Variants in KCNK2 observed in about 807,000 individuals in gnomAD.
KCNK2 encodes potassium two pore domain channel subfamily K member 2.
In KCNK2, 21 loss-of-function variants were observed where a neutral mutation model predicts 40.5. That is an observed-to-expected ratio of 0.52 (90% CI 0.37 to 0.75). The LOEUF (loss-of-function observed/expected upper bound fraction) is 0.75. Ranked by LOEUF, KCNK2 falls within the 30% of genes least tolerant of loss-of-function variation. The pLI is 0.00. For missense variants in KCNK2, 399 were observed against 531.6 expected (o/e 0.75, Z 2.45); for synonymous variants, 191 against 202.2 (o/e 0.94, Z 0.47).
chr1:215,214,470 C>T (rs1665877053), intron 6 of KCNK2, among the ~76,000 whole-genome samples: 1 of 152,124 alleles, frequency 6.6e-6, no homozygotes, highest in Non-Finnish European at 1.5e-5. Flanking sequence ...TATCAGCATC[C>T]ATGAATAGCG....
chr1:215,089,897 G>A (rs989152692), intron 2 of KCNK2, among the ~76,000 whole-genome samples: 8 of 150,916 alleles, frequency 5.3e-5, no homozygotes, highest in Non-Finnish European at 1.2e-4. Flanking sequence ...CGTGATCTCG[G>A]CTCACTGCAA....
At chr1:215,097,429 T>TA (rs200182417) in intron 2 of KCNK2, among the ~76,000 whole-genome samples, 2,385 of 146,438 alleles carry the variant, frequency 0.016, 17 homozygotes, top group East Asian at 0.037. Flanking sequence ...CTTTTTTTCT[T>TA]AAAAAAAAAA....
intron 3 of KCNK2, among the ~76,000 whole-genome samples, chr1:215,125,776 AT>A (rs61342736): frequency 0.012 from 961 of 81,890 alleles, 7 homozygotes; most frequent in Non-Finnish European, 0.024. Flanking sequence ...ATATATATAT[AT>A]AAAATAAAAT....
At chr1:215,174,957 A>C (rs1663889537) in intron 5 of KCNK2, among the ~76,000 whole-genome samples, 1 of 152,012 alleles carries the variant, frequency 6.6e-6, no homozygotes, top group Admixed American at 6.6e-5. Flanking sequence ...AATACCCTTT[A>C]TTTCTTTCTC....
intron 1 of KCNK2, among the ~76,000 whole-genome samples, chr1:215,048,071 T>C (rs1242132987): frequency 1.3e-5 from 2 of 152,226 alleles, no homozygotes; most frequent in Non-Finnish European, 2.9e-5. Flanking sequence ...TTTATTGACT[T>C]GACAGGCCTT....
At chr1:215,222,333 G>A (rs1454058543) in intron 6 of KCNK2, among the ~76,000 whole-genome samples, 1 of 152,172 alleles carries the variant, frequency 6.6e-6, no homozygotes, top group African/African-American at 2.4e-5. Flanking sequence ...GCAGTGAAGA[G>A]AATTTCAAGG....
At chr1:215,140,079 G>C (rs1326380771) in intron 3 of KCNK2, among the ~76,000 whole-genome samples, 1 of 152,082 alleles carries the variant, frequency 6.6e-6, no homozygotes, top group Non-Finnish European at 1.5e-5. Flanking sequence ...GCTGGCATAA[G>C]TATCTGTCTT....
At chr1:215,099,070 A>G (rs774833916) in intron 2 of KCNK2, among the ~76,000 whole-genome samples, 2 of 151,970 alleles carry the variant, frequency 1.3e-5, no homozygotes, top group Non-Finnish European at 2.9e-5. Context: ...ACATAGGTGA[A>G]CTTACATCAT....
intron 6 of KCNK2, among the ~76,000 whole-genome samples, chr1:215,231,946 G>A (rs1025146826): frequency 8.6e-5 from 13 of 152,040 alleles, no homozygotes; most frequent in African/African-American, 2.7e-4. Context: ...AGAACAACAC[G>A]GGAAAGACCC....
chr1:215,074,127 C>A (rs1658853486), intron 1 of KCNK2, among the ~76,000 whole-genome samples: 1 of 152,140 alleles, frequency 6.6e-6, no homozygotes, highest in African/African-American at 2.4e-5. Context: ...GATCACACAA[C>A]CATCTTAACA....
intron 2 of KCNK2, among the ~76,000 whole-genome samples, chr1:215,103,037 T>G (rs952989863): frequency 7.9e-5 from 12 of 151,918 alleles, no homozygotes; most frequent in Non-Finnish European, 1.6e-4. Context: ...TTATGAAAGT[T>G]GGTTTGGTGA....
At chr1:215,035,768 G>T (rs1558064129) in intron 1 of KCNK2, among the ~76,000 whole-genome samples, 1 of 151,968 alleles carries the variant, frequency 6.6e-6, no homozygotes, top group Non-Finnish European at 1.5e-5. Flanking sequence ...TGAGATTGCT[G>T]GTTTCTATGG....
At position 215,141,768 on chromosome 1, in the gene KCNK2, A is replaced by G. The variant is rs181926430; in HGVS notation, c.475+17018A>G. ...GATATTAACCTGAATTTCTTCTTTTATTAGTAATCTATTTTCCAACTAACT... is the reference window on the plus strand; with the variant it reads ...GATATTAACCTGAATTTCTTCTTTTGTTAGTAATCTATTTTCCAACTAACT... On this transcript the variant is annotated intron_variant, in intron 3 of 6. Coordinates refer to ENST00000444842, the MANE Select transcript of KCNK2 (RefSeq NM_001017425.3). Among the ~76,000 whole-genome samples the G allele has an allele frequency of 2.2e-4, 34 of 152,160 alleles. 1 individual carries two copies. The East Asian group carries it at 6.6e-3, about 29-fold the overall frequency.
chr1:215,098,379 CTATTTGAAAAGGGCAGCCTGCT>C (rs1660071149), intron 2 of KCNK2, among the ~76,000 whole-genome samples: 1 of 151,904 alleles, frequency 6.6e-6, no homozygotes, highest in African/African-American at 2.4e-5. Flanking sequence ...ACTGGAACCA[CTATTTGAAAAGGGCAGCCTGCT>C]TATTTTCCCC....
rs547453085 is a variant in KCNK2, at chr1:215,017,286, A to G, written c.34+11331A>G. Among the ~76,000 whole-genome samples the G allele has an allele frequency of 1.4e-4, 21 of 152,316 alleles. 1 individual carries two copies. The South Asian group carries it at 4.3e-3, about 32-fold the overall frequency. ...ATCATTTTATCAAAGAGATAGCTGC[A>G]TTCCCATGTTTACTGCAGCACTATT... On this transcript the variant is annotated intron_variant, in intron 1 of 6. Coordinates refer to the KCNK2 transcript ENST00000391895.
chr1:215,188,251 A>G (rs778525257), intron 5 of KCNK2, among the ~76,000 whole-genome samples: 3 of 152,248 alleles, frequency 2.0e-5, no homozygotes, highest in Non-Finnish European at 4.4e-5. Flanking sequence ...GCTCCCTCCT[A>G]TAGAGGTACA....
rs1251278524 is a variant in KCNK2, at chr1:215,181,854, C to T, written c.823+9671C>T. On this transcript the variant is annotated intron_variant, in intron 5 of 6. Coordinates refer to ENST00000444842, the MANE Select transcript of KCNK2 (RefSeq NM_001017425.3). ...CAGTGTTTTGAGCTCTCTGCTCAGG[C>T]CAGGGGAGGCCACGATAGGCAGGGC... Among the ~76,000 whole-genome samples the T allele has an allele frequency of 2.6e-5, 4 of 152,178 alleles. No individual in the cohort carries two copies. In the East Asian group the frequency reaches 7.7e-4, roughly 29 times the overall value.
chr1:215,072,476 T>G (rs1300757068), intron 1 of KCNK2, among the ~76,000 whole-genome samples: 1 of 152,250 alleles, frequency 6.6e-6, no homozygotes, highest in Non-Finnish European at 1.5e-5. Context: ...ATTGCATTAG[T>G]TGCCTCTCTT....
chr1:215,104,084 G>C (rs1004585562), intron 2 of KCNK2, among the ~76,000 whole-genome samples: 1 of 152,046 alleles, frequency 6.6e-6, no homozygotes, highest in African/African-American at 2.4e-5. Flanking sequence ...GAATCTTTCA[G>C]CAAAGTTGTA....
Sources: gnomAD v4.1 joint callset for allele counts (sites outside exome capture counted in the v4.1 genomes callset) on GRCh38, gnomAD v4.1.1 for gene constraint, MANE v1.5 for transcripts, NCBI Gene and HGNC (gene_info 2026-07-23, HGNC 2026-07-21) for gene names.